Variants in HDGFL3 observed in about 807,000 individuals in gnomAD.
HDGFL3 encodes hepatoma-derived growth factor-related protein 3.
A neutral mutation model predicts 27.6 loss-of-function variants in HDGFL3; 6 were observed. The ratio of observed to expected loss-of-function variants is 0.22; its 90% CI spans 0.12 to 0.43. The LOEUF is 0.43. HDGFL3 is among the 20% of genes least tolerant of loss of function. The probability of loss-of-function intolerance (pLI) is 1.00; values close to 1 mark genes in which losing one functional copy is unlikely to be tolerated. For missense variants in HDGFL3, 207 were observed against 250.1 expected, an observed-to-expected ratio of 0.83 and a Z score of 1.16; for synonymous variants, 88 against 88.9, an observed-to-expected ratio of 0.99 and a Z score of 0.05.
intron 1 of HDGFL3, among the ~76,000 whole-genome samples, chr15:83,187,577 G>A (rs2037460059): frequency 6.6e-6 from 1 of 152,094 alleles, no homozygotes. Flanking sequence ...CTTGTTTTCA[G>A]TGCTTTTCTC....
At chr15:83,197,104 C>T (rs1035556078) in intron 1 of HDGFL3, among the ~76,000 whole-genome samples, 3 of 152,142 alleles carry the variant, frequency 2.0e-5, no homozygotes, top group Non-Finnish European at 2.9e-5. Context: ...GTACTCAAAA[C>T]GAAGAATGGA....
intron 4 of HDGFL3, among the ~76,000 whole-genome samples, chr15:83,152,223 C>T (rs745610001): frequency 1.3e-5 from 2 of 152,202 alleles, no homozygotes; most frequent in Non-Finnish European, 2.9e-5. Context: ...CAAACTGAAG[C>T]TTCTTCAGAT....
At chr15:83,118,226 TACGTACACACACAC>T (rs2034865829) in intron 3 of HDGFL3, among the ~76,000 whole-genome samples, 1 of 143,522 alleles carries the variant, frequency 7.0e-6, no homozygotes, top group Non-Finnish European at 1.5e-5. Context: ...CCTGTCTCTG[TACGTACACACACAC>T]ACACACACAC....
chr15:83,136,615 T>C lies in HDGFL3; in HGVS notation c.*2655A>G, dbSNP rs2036631600. On this transcript the variant is annotated 3_prime_UTR_variant, in exon 6 of 6. Coordinates refer to ENST00000299633, the MANE Select transcript of HDGFL3 (RefSeq NM_016073.4). ...TTCTTCCTCAGCTCTTGGCCTATCG[T>C]TGTATCTACAAACCAGAGTTCTTCA... 2 of 1,612,308 alleles carry C rather than the reference T, an allele frequency of 1.2e-6. No individual in the cohort carries two copies. Among genetic ancestry groups the C allele is most frequent in the African/African-American group, 1.3e-5 (1 of 74,934 alleles).
chr15:83,184,289 T>C (rs1001714640), intron 1 of HDGFL3, among the ~76,000 whole-genome samples: 2 of 152,266 alleles, frequency 1.3e-5, no homozygotes, highest in Non-Finnish European at 2.9e-5. Context: ...ATTTTTGCCT[T>C]CTGCTATCTG....
At chr15:83,117,867 A>C (rs530075292) in intron 3 of HDGFL3, among the ~76,000 whole-genome samples, 32 of 152,228 alleles carry the variant, frequency 2.1e-4, no homozygotes, top group African/African-American at 7.5e-4. Flanking sequence ...AAAGGTAGGG[A>C]GACCATTTGG....
downstream of HDGFL3, chr15:83,123,001 A>G (rs750141779): frequency 1.7e-5 from 19 of 1,109,988 alleles, no homozygotes; most frequent in South Asian, 2.7e-4. Flanking sequence ...AAACAGTGCG[A>G]CTGTTTTGAT....
intron 3 of HDGFL3, among the ~76,000 whole-genome samples, chr15:83,118,230 TACACACACACACACACAC>T (rs72160704): frequency 6.8e-6 from 1 of 146,238 alleles, no homozygotes; most frequent in Non-Finnish European, 1.5e-5. Flanking sequence ...TCTCTGTACG[TACACACACACACACACAC>T]ACACACACAC....
rs779814874 is a variant in HDGFL3 at position 83,136,486 on chromosome 15, G to A, written c.*2784C>T. The stretch of plus-strand genomic sequence containing the variant: ...TTTTTTTTTAAATGCAACAGGCTCA[G>A]TTTTCTCACATTGGTGCATCTCTTC... On this transcript the variant is annotated 3_prime_UTR_variant, in exon 6 of 6. Coordinates refer to ENST00000299633, the MANE Select transcript of HDGFL3 (RefSeq NM_016073.4). 5 of 1,576,886 alleles carry A rather than the reference G, an allele frequency of 3.2e-6. No homozygotes were observed. The highest frequency in any genetic ancestry group is 4.3e-6 in the Non-Finnish European group (5 of 1,168,754).
At chr15:83,159,807 G>A (rs1596552344) in intron 2 of HDGFL3, among the ~76,000 whole-genome samples, 1 of 152,186 alleles carries the variant, frequency 6.6e-6, no homozygotes, top group Non-Finnish European at 1.5e-5. Context: ...AGAGTGAAAT[G>A]AGTGAAGGAC....
At chr15:83,192,448 T>C in intron 1 of HDGFL3, 1 of 357,006 alleles carries the variant, frequency 2.8e-6, no homozygotes, top group Non-Finnish European at 5.4e-6. Flanking sequence ...GCAGACATGG[T>C]GAGTACTTTG....
rs1390377960 is a variant in HDGFL3 at position 83,207,261 on chromosome 15, G to A, written c.84+70C>T. On this transcript the variant is annotated intron_variant, in intron 1 of 5. Coordinates refer to ENST00000299633, the MANE Select transcript of HDGFL3 (RefSeq NM_016073.4). The surrounding 1 kb of genome is among the most constrained non-coding windows in gnomAD (Gnocchi z 4.8). ...GCTCGGGGCTGAGGCGATGGGGAAA[G>A]GGGGCGGGCGCGCCATCATGAAGGG... The A allele has an allele frequency of 1.8e-6, 2 of 1,100,246 alleles. No homozygotes were observed. Among genetic ancestry groups the A allele is most frequent in the East Asian group, 3.2e-5 (1 of 30,982 alleles). 68.2% of individuals were successfully genotyped at this position (1,100,246 alleles called of 1,614,324 possible).
intron 5 of HDGFL3, among the ~76,000 whole-genome samples, chr15:83,147,962 G>C (rs1468828537): frequency 6.6e-6 from 1 of 152,092 alleles, no homozygotes; most frequent in African/African-American, 2.4e-5. Context: ...AAGAAAATGG[G>C]CAAAACCCAA....
chr15:83,119,538 G>C, intron 3 of HDGFL3: 2 of 1,604,512 alleles, frequency 1.2e-6, no homozygotes, highest in Admixed American at 3.4e-5. Flanking sequence ...GCATTTACAG[G>C]TCTTATTTAA....
chr15:83,156,387 C>T (rs1374295336), intron 4 of HDGFL3, among the ~76,000 whole-genome samples: 1 of 152,190 alleles, frequency 6.6e-6, no homozygotes, highest in Non-Finnish European at 1.5e-5. Context: ...GTGCTACCCC[C>T]ACTCTCTGTT....
At chr15:83,166,969 C>A (rs1354292272) in intron 1 of HDGFL3, among the ~76,000 whole-genome samples, 1 of 152,176 alleles carries the variant, frequency 6.6e-6, no homozygotes, top group Non-Finnish European at 1.5e-5. Context: ...GGACACAAAT[C>A]AAACCATATC....
chr15:83,203,253 T>C (rs575198656), intron 1 of HDGFL3, among the ~76,000 whole-genome samples: 2 of 152,056 alleles, frequency 1.3e-5, no homozygotes, highest in Admixed American at 1.3e-4. Flanking sequence ...AGCGGAAGGT[T>C]TGGGTGGGGT....
At chr15:83,180,010 C>T (rs550163604) in intron 1 of HDGFL3, among the ~76,000 whole-genome samples, 60 of 150,486 alleles carry the variant, frequency 4.0e-4, no homozygotes, top group African/African-American at 1.3e-3. Flanking sequence ...ATGTGTGTGG[C>T]GGGGGGCAGA....
At chr15:83,126,248 T>G (rs2035741911), downstream of HDGFL3, among the ~76,000 whole-genome samples, 1 of 152,160 alleles carries the variant, frequency 6.6e-6, no homozygotes, top group Admixed American at 6.5e-5. Context: ...GGGGACCTAG[T>G]AAAGTGCCAA....
Sources: gnomAD v4.1 joint callset for allele counts (sites outside exome capture counted in the v4.1 genomes callset) on GRCh38, gnomAD v4.1.1 for gene constraint, Gnocchi (gnomAD v3.1) non-coding constraint, MANE v1.5 for transcripts, NCBI Gene and HGNC (gene_info 2026-07-23, HGNC 2026-07-21) for gene names.